Variants in PCDH9 observed in about 807,000 individuals in gnomAD.
PCDH9 encodes the protein protocadherin 9.
A neutral mutation model predicts 70.6 loss-of-function variants in PCDH9; 24 were observed. That is an observed-to-expected ratio of 0.34 (90% CI 0.25 to 0.48). The LOEUF (loss-of-function observed/expected upper bound fraction) is 0.48. Among genes scored for constraint, PCDH9 ranks in the 20% least tolerant of loss-of-function variants. PCDH9 has a pLI of 0.99. For synonymous variants in PCDH9, 562 were observed against 558.5 expected (o/e 1.01, Z -0.09); for missense variants, 1,281 against 1,503.6 (o/e 0.85, Z 2.45).
chr13:66,527,193 G>A (rs1960254827), intron 4 of PCDH9, among the ~76,000 whole-genome samples: 1 of 151,638 alleles, frequency 6.6e-6, no homozygotes, highest in South Asian at 2.1e-4. Context: ...ATCTTTCTAT[G>A]TAATAATTCC....
rs71207610 is a variant in PCDH9, at chr13:66,853,201, C to CAATAATAATAAT, written c.3138+50291_3138+50302dup. Among the ~76,000 whole-genome samples the CAATAATAATAAT allele has an allele frequency of 2.6e-3, 379 of 145,826 alleles. 2 individuals are homozygous for CAATAATAATAAT. Among genetic ancestry groups the CAATAATAATAAT allele is most frequent in the Admixed American group, 0.014 (200 of 14,492 alleles). ...TTACCAGTCAAAATCTGAATAGTAG[C>CAATAATAATAAT]AATAATAATAATAATAATAATAATA... On this transcript the variant is annotated intron_variant, in intron 3 of 4. Coordinates refer to ENST00000377865, the MANE Select transcript of PCDH9 (RefSeq NM_203487.3).
intron 4 of PCDH9, among the ~76,000 whole-genome samples, chr13:66,330,767 C>G (rs1566245958): frequency 6.6e-6 from 1 of 152,102 alleles, no homozygotes; most frequent in Admixed American, 6.6e-5. Context: ...TACAATTCTG[C>G]ATAAAACAAA....
At chr13:66,966,675 C>A (rs2083439126) in intron 2 of PCDH9, among the ~76,000 whole-genome samples, 1 of 152,114 alleles carries the variant, frequency 6.6e-6, no homozygotes, top group East Asian at 1.9e-4. Flanking sequence ...TTGTTAGCTG[C>A]CTTTATAGTG....
intron 2 of PCDH9, among the ~76,000 whole-genome samples, chr13:67,199,232 A>G (rs1248009344): frequency 4.6e-5 from 7 of 151,648 alleles, no homozygotes; most frequent in Non-Finnish European, 8.9e-5. Context: ...AACATATACC[A>G]TATACAACTA....
chr13:66,937,692 C>T (rs1228319703), intron 2 of PCDH9, among the ~76,000 whole-genome samples: 1 of 152,168 alleles, frequency 6.6e-6, no homozygotes, highest in Non-Finnish European at 1.5e-5. Context: ...TGACCAATCC[C>T]AGTGACCATA....
At chr13:66,981,756 T>C (rs2083775219) in intron 2 of PCDH9, among the ~76,000 whole-genome samples, 1 of 152,140 alleles carries the variant, frequency 6.6e-6, no homozygotes, top group South Asian at 2.1e-4. Context: ...CATTGTTAAA[T>C]ACTTAAAATA....
intron 3 of PCDH9, among the ~76,000 whole-genome samples, chr13:66,728,473 T>G (rs2079033497): frequency 1.3e-5 from 2 of 152,144 alleles, no homozygotes; most frequent in Non-Finnish European, 2.9e-5. Context: ...ATTATTAGTT[T>G]TAGTGAACCC....
chr13:66,815,803 C>T (rs778447324), intron 3 of PCDH9, among the ~76,000 whole-genome samples: 3 of 152,060 alleles, frequency 2.0e-5, no homozygotes, highest in Non-Finnish European at 4.4e-5. Flanking sequence ...AAAAAACTAC[C>T]TATCAAGTAC....
At chr13:66,739,645 A>T (rs2079222105) in intron 3 of PCDH9, among the ~76,000 whole-genome samples, 1 of 151,946 alleles carries the variant, frequency 6.6e-6, no homozygotes, top group Non-Finnish European at 1.5e-5. Flanking sequence ...GGATGGAGGA[A>T]GATCTACCAA....
chr13:66,753,945 T>G (rs1348569920), intron 3 of PCDH9, among the ~76,000 whole-genome samples: 1 of 152,240 alleles, frequency 6.6e-6, no homozygotes, highest in Admixed American at 6.5e-5. Flanking sequence ...CTTCTGTTAG[T>G]TAGAAATGCA....
chr13:66,333,765 T>C (rs765562028), intron 4 of PCDH9, among the ~76,000 whole-genome samples: 1 of 152,140 alleles, frequency 6.6e-6, no homozygotes, highest in Non-Finnish European at 1.5e-5. Context: ...AACAGAATGA[T>C]TTAAGTTCAA....
chr13:66,703,728 T>TC (rs553900253), intron 3 of PCDH9, among the ~76,000 whole-genome samples: 267 of 151,794 alleles, frequency 1.8e-3, no homozygotes, highest in African/African-American at 6.1e-3. Context: ...GACCCCCGTC[T>TC]CTAAAAAAAA....
intron 2 of PCDH9, among the ~76,000 whole-genome samples, chr13:67,157,609 T>C (rs2087848179): frequency 6.6e-6 from 1 of 152,194 alleles, no homozygotes; most frequent in Admixed American, 6.5e-5. Context: ...TGTCTGTAAC[T>C]GAGTGATTTC....
chr13:66,993,747 T>C (rs2084050437), intron 2 of PCDH9, among the ~76,000 whole-genome samples: 1 of 152,190 alleles, frequency 6.6e-6, no homozygotes, highest in South Asian at 2.1e-4. Context: ...AAATTACGTA[T>C]CTTATAATCA....
intron 4 of PCDH9, among the ~76,000 whole-genome samples, chr13:66,580,994 G>A (rs1432270767): frequency 2.6e-5 from 4 of 152,104 alleles, no homozygotes; most frequent in Non-Finnish European, 5.9e-5. Flanking sequence ...ATAGGCTACA[G>A]CCTCTCCAAA....
intron 4 of PCDH9, among the ~76,000 whole-genome samples, chr13:66,421,551 C>A (rs551742822): frequency 1.2e-3 from 190 of 152,164 alleles, no homozygotes; most frequent in African/African-American, 4.4e-3. Flanking sequence ...AATTTCATAC[C>A]CAGCCAAACT....
At chr13:67,194,862 T>A (rs1437079410) in intron 2 of PCDH9, among the ~76,000 whole-genome samples, 11 of 152,016 alleles carry the variant, frequency 7.2e-5, no homozygotes, top group South Asian at 6.2e-4. Context: ...CAAAACAAAA[T>A]AAAACAAAAA....
chr13:66,757,877 G>C (rs1462569680), intron 3 of PCDH9, among the ~76,000 whole-genome samples: 3 of 151,930 alleles, frequency 2.0e-5, no homozygotes, highest in Admixed American at 2.0e-4. Context: ...AGTTTTTTAT[G>C]ATTGAATAAC....
intron 2 of PCDH9, among the ~76,000 whole-genome samples, chr13:66,922,898 C>T (rs912360039): frequency 2.1e-4 from 31 of 151,212 alleles, no homozygotes; most frequent in African/African-American, 7.5e-4. Context: ...TAAAAGAAAA[C>T]TCATTATATT....
Sources: gnomAD v4.1 joint callset for allele counts (sites outside exome capture counted in the v4.1 genomes callset) on GRCh38, gnomAD v4.1.1 for gene constraint, MANE v1.5 for transcripts, NCBI Gene and HGNC (gene_info 2026-07-23, HGNC 2026-07-21) for gene names.